Variants in COX7B2 observed in about 807,000 individuals in gnomAD.
The protein encoded by COX7B2 is cytochrome c oxidase subunit 7B2.
For synonymous variants in COX7B2, 37 were observed against 32.1 expected (o/e 1.15, Z -0.51); for missense variants, 109 against 95.9 (o/e 1.14, Z -0.57).
chr4:46,741,016 T>C (rs1714672366), intron 2 of COX7B2, among the ~76,000 whole-genome samples: 1 of 152,072 alleles, frequency 6.6e-6, no homozygotes, highest in Non-Finnish European at 1.5e-5. Context: ...TTTAGATGCC[T>C]GAGTAGAAGG....
intron 1 of COX7B2, among the ~76,000 whole-genome samples, chr4:46,899,730 TATTTTCC>T (rs1483574068): frequency 6.6e-6 from 1 of 152,206 alleles, no homozygotes; most frequent in Non-Finnish European, 1.5e-5. Flanking sequence ...AATGTAAAAG[TATTTTCC>T]ATTTGAATGA....
intron 1 of COX7B2, among the ~76,000 whole-genome samples, chr4:46,892,830 T>A (rs764336929): frequency 2.6e-5 from 4 of 152,148 alleles, no homozygotes; most frequent in Non-Finnish European, 5.9e-5. Flanking sequence ...GTAGTTCCCA[T>A]AAGTGTCGCA....
chr4:46,804,476 T>A lies in COX7B2; in HGVS notation c.-50+40484A>T, dbSNP rs538345275. 1.1e-4 allele frequency among the ~76,000 whole-genome samples: 17 copies of A among 152,088 alleles called. No individual in the cohort carries two copies. The South Asian group carries it at 2.9e-3, about 26-fold the overall frequency. On this transcript the variant is annotated intron_variant, in intron 2 of 2. Transcript: ENST00000355591. ...AGGGTGCTGATTGGTGTGTTTACAA[T>A]CCCTAAGCTAGACAAAAAAGTTCTC...
In COX7B2 at chr4:46,844,773, ATCTGTC is replaced by A. The variant is rs140863104; in HGVS notation, c.-50+181_-50+186del. ...GAAACATTTGTCTACTTAAACTGAC[ATCTGTC>A]TCTTTGTGTAGTTGGGCTGATTCTC... On this transcript the variant is annotated intron_variant, in intron 2 of 2. Coordinates refer to ENST00000355591, the MANE Select transcript of COX7B2 (RefSeq NM_130902.3). Among the ~76,000 whole-genome samples the A allele has an allele frequency of 7.1e-3, 1,084 of 152,090 alleles. 40 individuals carry two copies. The highest frequency in any genetic ancestry group is 0.055 in the Admixed American group (834 of 15,230).
chr4:46,867,160 T>C (rs542565775), intron 1 of COX7B2, among the ~76,000 whole-genome samples: 1 of 152,350 alleles, frequency 6.6e-6, no homozygotes, highest in African/African-American at 2.4e-5. Flanking sequence ...GAAACAGATA[T>C]ACTGCCTTTG....
intron 1 of COX7B2, among the ~76,000 whole-genome samples, chr4:46,881,203 C>T (rs1217059667): frequency 1.3e-5 from 2 of 151,982 alleles, no homozygotes; most frequent in Non-Finnish European, 2.9e-5. Flanking sequence ...GACATGTGCC[C>T]AAGGTGGTCA....
chr4:46,889,315 G>A (rs1158174949), intron 1 of COX7B2, among the ~76,000 whole-genome samples: 1 of 152,152 alleles, frequency 6.6e-6, no homozygotes, highest in Admixed American at 6.6e-5. Context: ...CAATAAGCCT[G>A]TCACCTATTC....
chr4:46,771,708 C>T (rs1296693280), intron 2 of COX7B2, among the ~76,000 whole-genome samples: 3 of 152,022 alleles, frequency 2.0e-5, no homozygotes, highest in African/African-American at 7.3e-5. Context: ...ATTAGAGATA[C>T]TCAACTGGTA....
At chr4:46,792,511 A>G (rs930608533) in intron 2 of COX7B2, among the ~76,000 whole-genome samples, 11 of 152,150 alleles carry the variant, frequency 7.2e-5, no homozygotes, top group African/African-American at 2.7e-4. Context: ...TCTCCCCCTG[A>G]CACTCAGACT....
At chr4:46,755,472 C>T (rs921411532) in intron 2 of COX7B2, among the ~76,000 whole-genome samples, 6 of 151,706 alleles carry the variant, frequency 4.0e-5, no homozygotes, top group Admixed American at 6.6e-5. Context: ...ACAGAGTAAT[C>T]GGGCAAGAGA....
chr4:46,759,824 G>T lies in COX7B2; in HGVS notation c.-49-24583C>A, dbSNP rs1216785850. Among the ~76,000 whole-genome samples, 7 of 73,736 alleles carry T rather than the reference G, an allele frequency of 9.5e-5. 1 individual carries two copies. Among genetic ancestry groups the T allele is most frequent in the African/African-American group, 3.1e-4 (7 of 22,526 alleles). The allele number at this position is 73,736 out of a possible 152,430, so 48.4% of individuals were successfully genotyped here. On this transcript the variant is annotated intron_variant, in intron 2 of 2. Transcript: ENST00000355591. ...GTCATATCTTATATAAGTTATATAA[G>T]TCATATCTTATATAAGTTATATAAG...
chr4:46,776,974 C>T (rs1717186713), intron 2 of COX7B2, among the ~76,000 whole-genome samples: 1 of 152,178 alleles, frequency 6.6e-6, no homozygotes, highest in Non-Finnish European at 1.5e-5. Context: ...GTTCTGTCAA[C>T]ATCTCAATTT....
At chr4:46,880,155 T>C (rs1045994174) in intron 1 of COX7B2, among the ~76,000 whole-genome samples, 2 of 152,168 alleles carry the variant, frequency 1.3e-5, no homozygotes, top group African/African-American at 4.8e-5. Context: ...CTTTTTGATG[T>C]GCTGCTGGAT....
intron 1 of COX7B2, among the ~76,000 whole-genome samples, chr4:46,904,616 G>T (rs1052116569): frequency 2.6e-5 from 4 of 152,160 alleles, no homozygotes; most frequent in African/African-American, 9.6e-5. Context: ...ACATATACAG[G>T]GAGAAATTTG....
intron 1 of COX7B2, among the ~76,000 whole-genome samples, chr4:46,902,279 T>C (rs925740693): frequency 1.3e-5 from 2 of 152,188 alleles, no homozygotes; most frequent in African/African-American, 4.8e-5. Flanking sequence ...TCGACGATCA[T>C]ATAACTCCCT....
intron 1 of COX7B2, among the ~76,000 whole-genome samples, chr4:46,851,238 A>G (rs376107610): frequency 3.3e-5 from 5 of 152,266 alleles, no homozygotes; most frequent in African/African-American, 1.2e-4. Flanking sequence ...GAGAGGAACC[A>G]GAAAAGATAA....
At chr4:46,780,471 C>T (rs539825590) in intron 2 of COX7B2, among the ~76,000 whole-genome samples, 5 of 152,200 alleles carry the variant, frequency 3.3e-5, no homozygotes, top group East Asian at 1.9e-4. Flanking sequence ...GAGCCAAGAT[C>T]GTGCCACTGC....
chr4:46,854,764 A>G (rs566441426), intron 1 of COX7B2, among the ~76,000 whole-genome samples: 3 of 152,342 alleles, frequency 2.0e-5, no homozygotes, highest in African/African-American at 7.2e-5. Context: ...TTAAAGTAAT[A>G]TATTCTTAAA....
chr4:46,780,102 T>A (rs955829364), intron 2 of COX7B2, among the ~76,000 whole-genome samples: 12 of 152,206 alleles, frequency 7.9e-5, no homozygotes, highest in South Asian at 2.1e-4. Context: ...AGTATTTTTT[T>A]AAAAAGAATT....
Sources: gnomAD v4.1 joint callset for allele counts (sites outside exome capture counted in the v4.1 genomes callset) on GRCh38, gnomAD v4.1.1 for gene constraint, MANE v1.5 for transcripts, NCBI Gene and HGNC (gene_info 2026-07-23, HGNC 2026-07-21) for gene names.